Variants in BRAF observed in about 807,000 individuals in gnomAD.
BRAF encodes the protein serine/threonine-protein kinase B-raf.
A neutral mutation model predicts 104.6 loss-of-function variants in BRAF; 16 were observed. The observed-to-expected ratio is 0.15, with a 90% CI of 0.10 to 0.23. The LOEUF (loss-of-function observed/expected upper bound fraction) is 0.23. Ranked by LOEUF, BRAF falls within the 10% of genes least tolerant of loss-of-function variation. BRAF has a pLI of 1.00. For synonymous variants in BRAF, 310 were observed against 341.6 expected, an observed-to-expected ratio of 0.91 and a Z score of 1.02; for missense variants, 541 against 937.3, an observed-to-expected ratio of 0.58 and a Z score of 5.52.
rs2130899887 is a variant in BRAF at position 140,739,872 on chromosome 7, C to T, written c.2187G>A (p.Met729Ile). 1 of 1,613,054 alleles carries T rather than the reference C, an allele frequency of 6.2e-7. No individual in the cohort carries two copies. The highest frequency in any genetic ancestry group is 8.5e-7 in the Non-Finnish European group (1 of 1,179,516). ...SKVRSNCPKA[M>I]KRLMAECLKK... ...TGAGGCACTCTGCCATTAATCTCTT[C>T]ATGGCTTTTGGACAGTTACTCCGTA... The change falls in exon 18 of 20, where the codon ATG becomes ATA. Residue 729 changes from methionine (M) to isoleucine (I), a missense_variant. Met to Ile is a conservative substitution (Grantham distance 10, BLOSUM62 1). Coordinates refer to ENST00000644969, the MANE Select transcript of BRAF (RefSeq NM_001374258.1).
chr7:140,876,189 G>A (rs1050530936), intron 1 of BRAF, among the ~76,000 whole-genome samples: 6 of 152,180 alleles, frequency 3.9e-5, no homozygotes, highest in African/African-American at 1.4e-4. Context: ...AGAGACCTAC[G>A]TAGTTTTAAC....
chr7:140,907,868 C>T (rs1434371127), intron 1 of BRAF, among the ~76,000 whole-genome samples: 1 of 152,110 alleles, frequency 6.6e-6, no homozygotes, highest in African/African-American at 2.4e-5. Context: ...CCTCAGCCTC[C>T]TGAGCAGCTG....
intron 3 of BRAF, among the ~76,000 whole-genome samples, chr7:140,815,296 C>A (rs1231410122): frequency 6.6e-6 from 1 of 151,890 alleles, no homozygotes; most frequent in Non-Finnish European, 1.5e-5. Context: ...TGCCACCACG[C>A]CTGGCTAATT....
intron 14 of BRAF, chr7:140,758,035 A>G (rs1397100156): frequency 6.6e-6 from 1 of 152,262 alleles, no homozygotes; most frequent in Non-Finnish European, 1.5e-5. Flanking sequence ...AGCCACTAGC[A>G]TCTCTCACTT....
rs1022449496 is a variant in BRAF, at chr7:140,783,116, G to T, written c.1339C>A (p.Pro447Thr). The T allele has an allele frequency of 1.2e-6, 2 of 1,613,938 alleles. No homozygotes were observed. The highest frequency in any genetic ancestry group is 1.7e-5 in the Admixed American group (1 of 59,986). ...GCTTTCACGTTAGTTAGTGAGCCAG[G>T]TAATGAGGCAGGGGGGGTAGCAGAC... ...GLSATPPASLPGSLTNVKALQ... is the reference protein window; with the variant it reads ...GLSATPPASLTGSLTNVKALQ... The change falls in exon 11 of 20, where the codon CCT (proline) becomes ACT (threonine). Residue 447 changes from proline (P) to threonine (T), a missense_variant. Physicochemically the swap from Pro to Thr is conservative, Grantham distance 38 (BLOSUM62 -1). This residue lies in a region of BRAF where 109 missense variants were observed against 143.9 expected (regional missense o/e 0.76). Transcript: ENST00000644969.
chr7:140,734,795 A>AAT, intron 18 of BRAF, 25 bp from the exon 18 acceptor site: 4 of 1,204,748 alleles, frequency 3.3e-6, no homozygotes, highest in Non-Finnish European at 4.3e-6. Flanking sequence ...AGAAAAAAAA[A>AAT]AGAAAAAAAA....
At chr7:140,783,246 T>TTA in intron 10 of BRAF, 89 bp from the exon 10 acceptor site, 1 of 1,506,232 alleles carries the variant, frequency 6.6e-7, no homozygotes, top group African/African-American at 1.4e-5. Context: ...TATTTAGACT[T>TTA]AATTTTAAAA....
At chr7:140,869,540 T>C (rs1210051370) in intron 1 of BRAF, among the ~76,000 whole-genome samples, 1 of 151,160 alleles carries the variant, frequency 6.6e-6, no homozygotes, top group Non-Finnish European at 1.5e-5. Context: ...GGCTGAGGCA[T>C]GAGAATCACT....
Position 140,834,711 on chromosome 7 carries a change from A to C in BRAF, c.402T>G (p.Ser134=). The change falls in exon 3 of 20, where the codon TCT becomes TCG. Residue 134 remains serine, a synonymous_variant. Coordinates refer to ENST00000644969, the MANE Select transcript of BRAF (RefSeq NM_001374258.1). The stretch of plus-strand genomic sequence containing the variant: ...CTGTGGGATTTTGAAAAACTGAAAG[A>C]GATGAAGGTAGCACTGAAAGGCTAG... The part of the protein sequence containing the change: ...SSSSLSVLPS[S]LSVFQNPTDV... The C allele has an allele frequency of 6.2e-7, 1 of 1,614,146 alleles. No individual in the cohort carries two copies. Among genetic ancestry groups the C allele is most frequent in the East Asian group, 2.2e-5 (1 of 44,868 alleles).
intron 18 of BRAF, among the ~76,000 whole-genome samples, chr7:140,738,966 G>GGA (rs1796675347): frequency 8.4e-6 from 1 of 118,950 alleles, no homozygotes; most frequent in African/African-American, 2.9e-5. Flanking sequence ...TTCCAATATG[G>GGA]AAAAAAAAAA....
intron 1 of BRAF, among the ~76,000 whole-genome samples, chr7:140,887,676 G>C (rs1813731208): frequency 6.6e-6 from 1 of 152,082 alleles, no homozygotes; most frequent in Admixed American, 6.6e-5. Flanking sequence ...ACATTATTTA[G>C]TTAATGTGTT....
At chr7:140,903,570 T>G (rs1815922169) in intron 1 of BRAF, among the ~76,000 whole-genome samples, 1 of 152,200 alleles carries the variant, frequency 6.6e-6, no homozygotes, top group South Asian at 2.1e-4. Context: ...TTGCAACCCA[T>G]GGATCAAGAA....
chr7:140,796,664 G>A (rs1172875783), intron 7 of BRAF, among the ~76,000 whole-genome samples: 1 of 152,224 alleles, frequency 6.6e-6, no homozygotes, highest in Non-Finnish European at 1.5e-5. Flanking sequence ...CAATTTGGTA[G>A]TTGGTATCTA....
At chr7:140,776,001 G>GGGA (rs760669724) in intron 14 of BRAF, among the ~76,000 whole-genome samples, 5 of 152,132 alleles carry the variant, frequency 3.3e-5, no homozygotes, top group Non-Finnish European at 5.9e-5. Context: ...GTAGCATAGT[G>GGGA]GTTATGGGGA....
rs1795261279 is a variant in BRAF at position 140,720,328 on chromosome 7, C to CA, written c.*6165_*6166insT. On this transcript the variant is annotated 3_prime_UTR_variant, in exon 20 of 20. Transcript: ENST00000644969. Reference sequence around the variant, plus strand: ...CATGGCCAAAGGAAACACGGAGGACCCATGGATGCATTTTAAAATGAAGGC... The same window carrying CA: ...CATGGCCAAAGGAAACACGGAGGACCACATGGATGCATTTTAAAATGAAGGC... The CA allele has an allele frequency of 9.4e-7, 1 of 1,062,338 alleles. No homozygotes were observed. The highest frequency in any genetic ancestry group is 1.1e-6 in the Non-Finnish European group (1 of 877,672). The allele number at this position is 1,062,338 out of a possible 1,614,324, so 65.8% of individuals were successfully genotyped here.
At chr7:140,756,165 T>C (rs935504811) in intron 14 of BRAF, among the ~76,000 whole-genome samples, 1 of 152,138 alleles carries the variant, frequency 6.6e-6, no homozygotes, top group African/African-American at 2.4e-5. Context: ...GAACCAGTGA[T>C]ATACCCAGCA....
At chr7:140,845,954 C>G (rs559050369) in intron 2 of BRAF, among the ~76,000 whole-genome samples, 2 of 152,124 alleles carry the variant, frequency 1.3e-5, no homozygotes, top group Non-Finnish European at 2.9e-5. Context: ...GCTGGCATTA[C>G]AGGTGTGAGC....
Position 140,720,221 on chromosome 7 carries a change from T to A in BRAF, c.*6273A>T. Reference sequence around the variant, plus strand: ...TCAGATGTACAACCAACAAATGAGATTACCACAAATACATATCACTGTGAT... The same window carrying A: ...TCAGATGTACAACCAACAAATGAGAATACCACAAATACATATCACTGTGAT... On this transcript the variant is annotated 3_prime_UTR_variant, in exon 20 of 20. Transcript: ENST00000644969. 1 of 1,062,686 alleles carries A rather than the reference T, an allele frequency of 9.4e-7. No individual in the cohort carries two copies. 65.8% of individuals were successfully genotyped at this position (1,062,686 alleles called of 1,614,324 possible). A position where few individuals can be genotyped will look rare whatever the true frequency, so the allele number is the denominator to read the frequency against.
intron 18 of BRAF, among the ~76,000 whole-genome samples, chr7:140,738,411 C>T (rs1308697269): frequency 6.6e-6 from 1 of 152,090 alleles, no homozygotes; most frequent in Non-Finnish European, 1.5e-5. Context: ...CATTCAAAGG[C>T]CTAAGAGTTC....
Sources: gnomAD v4.1 joint callset for allele counts (sites outside exome capture counted in the v4.1 genomes callset) on GRCh38, gnomAD v4.1.1 for gene constraint, gnomAD v4.1.1 regional missense constraint, MANE v1.5 for transcripts, NCBI Gene and HGNC (gene_info 2026-07-23, HGNC 2026-07-21) for gene names.